CACNB2: variants seen among roughly 807,000 people sequenced by gnomAD.
CACNB2 encodes voltage-dependent L-type calcium channel subunit beta-2.
Under a neutral mutation model 73.3 loss-of-function variants are expected in CACNB2, and 42 were observed. The ratio of observed to expected loss-of-function variants is 0.57; its 90% CI spans 0.45 to 0.74. The LOEUF is 0.74. Among genes scored for constraint, CACNB2 ranks in the 30% least tolerant of loss-of-function variants. The probability of loss-of-function intolerance (pLI) is 0.00; values close to 1 mark genes in which losing one functional copy is unlikely to be tolerated. For synonymous variants in CACNB2, 348 were observed against 310.3 expected, an observed-to-expected ratio of 1.12 and a Z score of -1.28; for missense variants, 940 against 853.0, an observed-to-expected ratio of 1.10 and a Z score of -1.27.
At chr10:18,459,870 T>C (rs1044035920) in intron 3 of CACNB2, among the ~76,000 whole-genome samples, 14 of 152,064 alleles carry the variant, frequency 9.2e-5, no homozygotes, top group African/African-American at 3.1e-4. Flanking sequence ...TGACGATGGG[T>C]GCCTGTAATC....
intron 2 of CACNB2, among the ~76,000 whole-genome samples, chr10:18,236,393 C>T (rs1367187600): frequency 6.6e-6 from 1 of 152,168 alleles, no homozygotes; most frequent in Non-Finnish European, 1.5e-5. Context: ...TGGGAGATCA[C>T]AAATCCATAA....
At chr10:18,367,391 G>A (rs1435238810) in intron 2 of CACNB2, among the ~76,000 whole-genome samples, 7 of 151,980 alleles carry the variant, frequency 4.6e-5, no homozygotes, top group Non-Finnish European at 8.8e-5. Flanking sequence ...TTTTTAAAAG[G>A]TTTTATAAGT....
intron 2 of CACNB2, among the ~76,000 whole-genome samples, chr10:18,192,060 C>A (rs2034421828): frequency 6.6e-6 from 1 of 150,846 alleles, no homozygotes; most frequent in Admixed American, 6.7e-5. Flanking sequence ...AGACTTGAGG[C>A]AGGAATCTAG....
intron 3 of CACNB2, among the ~76,000 whole-genome samples, chr10:18,411,069 T>C (rs187360114): frequency 2.0e-3 from 306 of 152,288 alleles, no homozygotes; most frequent in African/African-American, 6.6e-3. Context: ...TATTAAAATA[T>C]TTTAGGCTGA....
intron 2 of CACNB2, among the ~76,000 whole-genome samples, chr10:18,316,784 T>C (rs2040203641): frequency 1.3e-5 from 2 of 152,154 alleles, no homozygotes; most frequent in South Asian, 4.1e-4. Context: ...CTTAACCTAC[T>C]CAATAAGCCT....
intron 3 of CACNB2, among the ~76,000 whole-genome samples, chr10:18,424,733 G>T (rs563251530): frequency 6.6e-6 from 1 of 152,220 alleles, no homozygotes; most frequent in East Asian, 1.9e-4. Flanking sequence ...AATAATCAAG[G>T]TGTTCTTTTG....
intron 2 of CACNB2, among the ~76,000 whole-genome samples, chr10:18,153,270 G>A (rs1225220754): frequency 6.6e-6 from 1 of 152,134 alleles, no homozygotes; most frequent in African/African-American, 2.4e-5. Flanking sequence ...TGTTTGCTAT[G>A]GCATGGCTTT....
intron 2 of CACNB2, among the ~76,000 whole-genome samples, chr10:18,153,190 A>C (rs1232107291): frequency 6.6e-6 from 1 of 151,766 alleles, no homozygotes; most frequent in East Asian, 1.9e-4. Flanking sequence ...AGCGTGTAAG[A>C]AGGCAAAACC....
intron 2 of CACNB2, among the ~76,000 whole-genome samples, chr10:18,205,816 G>C (rs1217750992): frequency 6.6e-6 from 1 of 152,122 alleles, no homozygotes; most frequent in Non-Finnish European, 1.5e-5. Context: ...ATTTAGATCA[G>C]AAGTCAAGGA....
At chr10:18,346,232 C>G (rs1564454765) in intron 2 of CACNB2, among the ~76,000 whole-genome samples, 2 of 152,046 alleles carry the variant, frequency 1.3e-5, no homozygotes, top group Non-Finnish European at 2.9e-5. Context: ...GTCTGCCTCC[C>G]GGGTTCAAAC....
intron 4 of CACNB2, chr10:18,498,940 T>C (rs1017411194): frequency 5.6e-6 from 1 of 179,422 alleles, no homozygotes; most frequent in South Asian, 1.2e-4. Flanking sequence ...ATTTCTGCAG[T>C]GGGTGAGAGA....
intron 2 of CACNB2, among the ~76,000 whole-genome samples, chr10:18,212,260 C>T (rs1409337590): frequency 6.6e-6 from 1 of 152,156 alleles, no homozygotes; most frequent in African/African-American, 2.4e-5. Context: ...TCTCATTCCC[C>T]CACATTTTAT....
In CACNB2 at chr10:18,423,901, A is replaced by G. The variant is rs1281932613; in HGVS notation, c.333+21858A>G. 2.6e-5 allele frequency among the ~76,000 whole-genome samples: 4 copies of G among 152,228 alleles called. No individual in the cohort carries two copies. In the East Asian group the frequency reaches 7.7e-4, roughly 29 times the overall value. ...CTATAATTTGAGATCAATATGTAATAACATTTTTCTGCAGGTGTTGACTAC... is the reference window on the plus strand; with the variant it reads ...CTATAATTTGAGATCAATATGTAATGACATTTTTCTGCAGGTGTTGACTAC... On this transcript the variant is annotated intron_variant, in intron 3 of 13. Coordinates refer to ENST00000324631, the MANE Select transcript of CACNB2 (RefSeq NM_201596.3).
intron 2 of CACNB2, among the ~76,000 whole-genome samples, chr10:18,279,999 A>G (rs1443125152): frequency 1.3e-5 from 2 of 152,184 alleles, no homozygotes; most frequent in African/African-American, 4.8e-5. Context: ...GAATCACTTG[A>G]ACCCAGGAGG....
At chr10:18,307,344 C>A (rs1186789148) in intron 2 of CACNB2, among the ~76,000 whole-genome samples, 1 of 152,084 alleles carries the variant, frequency 6.6e-6, no homozygotes, top group Non-Finnish European at 1.5e-5. Flanking sequence ...CGCCTGTAGT[C>A]CCAGCTACTC....
intron 2 of CACNB2, among the ~76,000 whole-genome samples, chr10:18,322,139 G>C (rs915008940): frequency 6.6e-6 from 1 of 152,086 alleles, no homozygotes; most frequent in Non-Finnish European, 1.5e-5. Context: ...CTGGGCAAGA[G>C]AGCAAGACCC....
intron 6 of CACNB2, among the ~76,000 whole-genome samples, chr10:18,509,475 T>C (rs1419830570): frequency 2.6e-5 from 4 of 152,224 alleles, no homozygotes; most frequent in African/African-American, 9.6e-5. Flanking sequence ...CTGCTTAACT[T>C]GACCCAAACC....
At chr10:18,179,149 C>A (rs2033750462) in intron 2 of CACNB2, among the ~76,000 whole-genome samples, 1 of 152,106 alleles carries the variant, frequency 6.6e-6, no homozygotes, top group Admixed American at 6.6e-5. Flanking sequence ...AAATAAATGT[C>A]AATAACTTTA....
At chr10:18,290,464 T>C (rs1443473043) in intron 2 of CACNB2, among the ~76,000 whole-genome samples, 1 of 152,120 alleles carries the variant, frequency 6.6e-6, no homozygotes, top group Non-Finnish European at 1.5e-5. Context: ...TCACCTCCCA[T>C]CACCTCAATC....
Sources: allele counts gnomAD v4.1 joint callset (sites outside exome capture counted in the v4.1 genomes callset), GRCh38; gene constraint gnomAD v4.1.1; transcripts MANE v1.5; gene names NCBI Gene and HGNC (gene_info 2026-07-23, HGNC 2026-07-21).